Variants in FNDC3B observed in about 807,000 individuals in gnomAD.
FNDC3B encodes the protein fibronectin type III domain containing 3B, also known as fibronectin type III domain-containing protein 3B.
A neutral mutation model predicts 151.5 loss-of-function variants in FNDC3B; 12 were observed. The ratio of observed to expected loss-of-function variants is 0.08; its 90% CI spans 0.05 to 0.13. The LOEUF (loss-of-function observed/expected upper bound fraction) is 0.13, where lower values mean the gene tolerates loss of function less well. Among genes scored for constraint, FNDC3B ranks in the 10% least tolerant of loss-of-function variants. FNDC3B has a pLI of 1.00. For missense variants in FNDC3B, 1,214 were observed against 1,505.3 expected (o/e 0.81, Z 3.20); for synonymous variants, 528 against 549.0 (o/e 0.96, Z 0.54).
intron 3 of FNDC3B, among the ~76,000 whole-genome samples, chr3:172,213,590 C>T (rs1725835102): frequency 6.6e-6 from 1 of 152,146 alleles, no homozygotes; most frequent in Non-Finnish European, 1.5e-5. Context: ...TGTGCTCATA[C>T]TCTTGCTTAA....
intron 4 of FNDC3B, among the ~76,000 whole-genome samples, chr3:172,245,764 A>C (rs1341921351): frequency 6.6e-6 from 1 of 152,246 alleles, no homozygotes; most frequent in Non-Finnish European, 1.5e-5. Context: ...TAGCTTGCCA[A>C]GGCCCAGAAG....
At chr3:172,356,475 G>T (rs1301286914) in intron 22 of FNDC3B, among the ~76,000 whole-genome samples, 2 of 152,110 alleles carry the variant, frequency 1.3e-5, no homozygotes, top group Non-Finnish European at 2.9e-5. Flanking sequence ...CTCAAAGATG[G>T]GTTGTGACCA....
intron 4 of FNDC3B, among the ~76,000 whole-genome samples, chr3:172,229,084 AAC>A (rs760446690): frequency 0.11 from 13,255 of 117,522 alleles, 556 homozygotes; most frequent in Middle Eastern, 0.19. Flanking sequence ...GAAAGAAAGA[AAC>A]ACACACACAC....
intron 3 of FNDC3B, among the ~76,000 whole-genome samples, chr3:172,166,394 G>A (rs1282878143): frequency 6.6e-6 from 1 of 152,226 alleles, no homozygotes; most frequent in East Asian, 1.9e-4. Context: ...CATATAAGGT[G>A]TGTAGAGCGG....
At position 172,264,499 on chromosome 3, in the gene FNDC3B, A is replaced by G. The variant is rs192097749; in HGVS notation, c.790+12958A>G. 7.8e-4 allele frequency among the ~76,000 whole-genome samples: 118 copies of G among 152,036 alleles called. 1 individual carries two copies. The highest frequency in any genetic ancestry group is 2.7e-3 in the African/African-American group (113 of 41,478). On this transcript the variant is annotated intron_variant, in intron 6 of 25. Coordinates refer to ENST00000415807, the MANE Select transcript of FNDC3B (RefSeq NM_022763.4). ...CATTCATCTCTTTTTCTTCTATTTT[A>G]TATGTTTGTTTCTTGCATTTTTAGA...
chr3:172,113,043 C>T (rs772599509), intron 2 of FNDC3B, among the ~76,000 whole-genome samples: 7 of 152,084 alleles, frequency 4.6e-5, no homozygotes, highest in African/African-American at 7.2e-5. Flanking sequence ...CATAAAATCA[C>T]GGTACTTATT....
At position 172,344,123 on chromosome 3, in the gene FNDC3B, G is replaced by C; in HGVS notation, c.2115G>C (p.Glu705Asp). 6.2e-7 allele frequency: 1 copy of C among 1,614,140 alleles called. No homozygotes were observed. The highest frequency in any genetic ancestry group is 8.5e-7 in the Non-Finnish European group (1 of 1,180,014). The change falls in exon 19 of 26, where the codon GAG becomes GAC. Residue 705 changes from glutamate (E) to aspartate (D), a missense_variant. Glu to Asp is a conservative substitution (Grantham distance 45, BLOSUM62 2). Coordinates refer to ENST00000415807, the MANE Select transcript of FNDC3B (RefSeq NM_022763.4). ...PASESGCEVS[E>D]YSVEMTEPED... ...CGGAAAGTGGCTGTGAGGTCTCAGA[G>C]TACAGCGTGGAGATGACGGAGCCCG...
At position 172,320,935 on chromosome 3, in the gene FNDC3B, T is replaced by C. The variant is rs1732049553; in HGVS notation, c.1255-8017T>C. Among the ~76,000 whole-genome samples, 4 of 152,376 alleles carry C rather than the reference T, an allele frequency of 2.6e-5. No homozygotes were observed. In the South Asian group the frequency reaches 8.3e-4, roughly 32 times the overall value. On this transcript the variant is annotated intron_variant, in intron 11 of 25. Coordinates refer to ENST00000415807, the MANE Select transcript of FNDC3B (RefSeq NM_022763.4). ...TTCTTTTGTTGTTGTTTTCAGTCTT[T>C]CAACTACACACTTTTACAAATCAAC...
intron 1 of FNDC3B, among the ~76,000 whole-genome samples, chr3:172,052,931 A>C (rs1326128783): frequency 6.6e-6 from 1 of 152,208 alleles, no homozygotes; most frequent in Non-Finnish European, 1.5e-5. Flanking sequence ...AGCTATTGGC[A>C]GTTTTATTTA....
chr3:172,076,443 G>C (rs1000520763), intron 1 of FNDC3B, among the ~76,000 whole-genome samples: 1 of 152,126 alleles, frequency 6.6e-6, no homozygotes, highest in Non-Finnish European at 1.5e-5. Context: ...CCTCTGTACT[G>C]CTCAGTTGCA....
intron 3 of FNDC3B, among the ~76,000 whole-genome samples, chr3:172,205,386 C>T (rs1381064481): frequency 6.6e-6 from 1 of 152,154 alleles, no homozygotes; most frequent in Non-Finnish European, 1.5e-5. Context: ...CAACCATGTG[C>T]CAGGTACTCT....
At chr3:172,047,131 A>G (rs1172509601) in intron 1 of FNDC3B, among the ~76,000 whole-genome samples, 5 of 152,222 alleles carry the variant, frequency 3.3e-5, no homozygotes, top group Non-Finnish European at 5.9e-5. Context: ...ACTTACTTAA[A>G]TTGACATGAT....
chr3:172,340,249 T>G (rs750031104), intron 16 of FNDC3B, among the ~76,000 whole-genome samples: 23 of 151,818 alleles, frequency 1.5e-4, no homozygotes, highest in Non-Finnish European at 4.4e-5. Flanking sequence ...CATGCCACAT[T>G]TGGTCTTTAA....
At chr3:172,284,005 C>T (rs905426238) in intron 6 of FNDC3B, among the ~76,000 whole-genome samples, 4 of 152,112 alleles carry the variant, frequency 2.6e-5, no homozygotes, top group African/African-American at 9.7e-5. Flanking sequence ...TCCTACTAAA[C>T]AGAACGCAAC....
At chr3:172,381,196 C>T (rs1402788252) in intron 25 of FNDC3B, 103 bp downstream of exon 25, 16 of 1,335,378 alleles carry the variant, frequency 1.2e-5, no homozygotes, top group Non-Finnish European at 1.6e-5. Context: ...TTCTTAAAAT[C>T]AGTGATAGAA....
At position 172,239,856 on chromosome 3, in the gene FNDC3B, C is replaced by CTTTTTTTTTTTTTT. The variant is rs71179981; in HGVS notation, c.265-7660_265-7647dup. On this transcript the variant is annotated intron_variant, in intron 4 of 25. Transcript: ENST00000415807. ...TGTTTTTAGGAGATCCATTTTAGTTCTTTTTTTTTTTTTTTTTTTTTTTTT... is the reference window on the plus strand; with the variant it reads ...TGTTTTTAGGAGATCCATTTTAGTTCTTTTTTTTTTTTTTTTTTTTTTTTTTTTTTTTTTTTTTT... Among the ~76,000 whole-genome samples, 58 of 49,924 alleles carry CTTTTTTTTTTTTTT rather than the reference C, an allele frequency of 1.2e-3. 8 individuals carry two copies. Among genetic ancestry groups the CTTTTTTTTTTTTTT allele is most frequent in the African/African-American group, 2.3e-3 (30 of 13,324 alleles). The allele number at this position is 49,924 out of a possible 152,430, so 32.8% of individuals were successfully genotyped here.
intron 5 of FNDC3B, among the ~76,000 whole-genome samples, chr3:172,249,602 A>G (rs75060127): frequency 0.031 from 4,741 of 152,312 alleles, 245 homozygotes; most frequent in African/African-American, 0.11. Flanking sequence ...AAAGTTTTCA[A>G]CATGTCTGAA....
intron 11 of FNDC3B, among the ~76,000 whole-genome samples, chr3:172,320,797 G>C (rs1202205650): frequency 6.6e-6 from 1 of 152,194 alleles, no homozygotes; most frequent in Non-Finnish European, 1.5e-5. Flanking sequence ...TGAGCCATGA[G>C]TTGTGTTCCT....
At chr3:172,154,994 A>G (rs1313189797) in intron 3 of FNDC3B, among the ~76,000 whole-genome samples, 3 of 151,946 alleles carry the variant, frequency 2.0e-5, no homozygotes, top group African/African-American at 7.3e-5. Flanking sequence ...AGGTGGTTTC[A>G]TTAGTCTAGG....
Sources: allele counts gnomAD v4.1 joint callset (sites outside exome capture counted in the v4.1 genomes callset), GRCh38; gene constraint gnomAD v4.1.1; transcripts MANE v1.5; gene names NCBI Gene and HGNC (gene_info 2026-07-23, HGNC 2026-07-21).